The following TMEM132D variants were observed in gnomAD, a reference collection of about 807,000 sequenced individuals.
TMEM132D encodes mature OL transmembrane protein.
Under a neutral mutation model 62.3 loss-of-function variants are expected in TMEM132D, and 21 were observed. The ratio of observed to expected loss-of-function variants is 0.34; its 90% CI spans 0.24 to 0.49. TMEM132D has a LOEUF of 0.49. Ranked by LOEUF, TMEM132D falls within the 20% of genes least tolerant of loss-of-function variation. The pLI is 0.99. For missense variants in TMEM132D, 1,346 were observed against 1,402.8 expected, an observed-to-expected ratio of 0.96 and a Z score of 0.65; for synonymous variants, 621 against 575.6, an observed-to-expected ratio of 1.08 and a Z score of -1.13.
intron 1 of TMEM132D, among the ~76,000 whole-genome samples, chr12:129,778,637 C>T (rs910509274): frequency 8.5e-5 from 13 of 152,168 alleles, no homozygotes; most frequent in Non-Finnish European, 1.3e-4. Context: ...GATACTTTGA[C>T]GCTAAAAACA....
At chr12:129,846,703 C>T (rs900285424) in intron 1 of TMEM132D, among the ~76,000 whole-genome samples, 1 of 152,100 alleles carries the variant, frequency 6.6e-6, no homozygotes, top group African/African-American at 2.4e-5. Flanking sequence ...ATTCTCCTGA[C>T]CTGTATTCCA....
At chr12:129,792,680 C>A (rs1871434771) in intron 1 of TMEM132D, among the ~76,000 whole-genome samples, 1 of 152,272 alleles carries the variant, frequency 6.6e-6, no homozygotes, top group East Asian at 1.9e-4. Flanking sequence ...AAAAGTGGTT[C>A]TTTCCTTGAG....
chr12:129,074,813 C>T lies in TMEM132D; in HGVS notation c.2362G>A (p.Val788Ile), dbSNP rs1489615235. ...TTAACTTTGATGTTTGCCGTTCCAA[C>T]AGCTAACACACTCTTCCGCTTGGAT... is the stretch of plus-strand genomic sequence containing the variant. ...QKSKRKSVLA[V>I]GTANIKVKFG... The change falls in exon 9 of 9, where the codon GTT (valine) becomes ATT (isoleucine). Residue 788 changes from valine (V) to isoleucine (I), a missense_variant. By Grantham distance (29) the Val-to-Ile change is conservative. Transcript: ENST00000422113. The T allele has an allele frequency of 6.2e-7, 1 of 1,614,120 alleles. No individual in the cohort carries two copies. The highest frequency in any genetic ancestry group is 8.5e-7 in the Non-Finnish European group (1 of 1,180,040).
chr12:129,809,931 G>C (rs1231901406), intron 1 of TMEM132D, among the ~76,000 whole-genome samples: 2 of 152,076 alleles, frequency 1.3e-5, no homozygotes, highest in Admixed American at 6.6e-5. Flanking sequence ...ATGCACTCTG[G>C]AAAAGACATG....
intron 3 of TMEM132D, among the ~76,000 whole-genome samples, chr12:129,432,185 G>A (rs1390605214): frequency 6.6e-6 from 1 of 151,242 alleles, no homozygotes; most frequent in Non-Finnish European, 1.5e-5. Flanking sequence ...ATGGATGGAT[G>A]GATGGATGGA....
intron 4 of TMEM132D, among the ~76,000 whole-genome samples, chr12:129,218,870 G>A (rs1457926508): frequency 1.3e-5 from 2 of 152,164 alleles, no homozygotes; most frequent in Non-Finnish European, 2.9e-5. Flanking sequence ...AGTGACAGGG[G>A]AAGCCAACAC....
At chr12:129,125,225 A>T (rs1565972062) in intron 5 of TMEM132D, among the ~76,000 whole-genome samples, 1 of 152,192 alleles carries the variant, frequency 6.6e-6, no homozygotes. Flanking sequence ...CATCTATTAA[A>T]CACACTTCTG....
chr12:129,759,861 A>G (rs117937623), intron 1 of TMEM132D, among the ~76,000 whole-genome samples: 1 of 152,248 alleles, frequency 6.6e-6, no homozygotes, highest in East Asian at 1.9e-4. Context: ...CAGATTCTCA[A>G]GACATTTAAA....
intron 4 of TMEM132D, among the ~76,000 whole-genome samples, chr12:129,276,627 G>T (rs533825723): frequency 6.6e-6 from 1 of 152,282 alleles, no homozygotes; most frequent in East Asian, 1.9e-4. Context: ...GTGGCTTTTT[G>T]TGTCTCCTCT....
At chr12:129,659,825 T>G (rs975359873) in intron 2 of TMEM132D, among the ~76,000 whole-genome samples, 4 of 152,210 alleles carry the variant, frequency 2.6e-5, no homozygotes, top group Admixed American at 2.6e-4. Flanking sequence ...TTCTCTAAAT[T>G]TTCAGGGAAG....
intron 2 of TMEM132D, among the ~76,000 whole-genome samples, chr12:129,615,584 CAAA>C (rs544023097): frequency 1.4e-4 from 10 of 74,052 alleles, no homozygotes; most frequent in Admixed American, 6.2e-4. Flanking sequence ...GACCCCATCT[CAAA>C]AAAAAAAAAA....
intron 3 of TMEM132D, among the ~76,000 whole-genome samples, chr12:129,461,811 A>G (rs1233602870): frequency 6.6e-6 from 1 of 152,198 alleles, no homozygotes; most frequent in Non-Finnish European, 1.5e-5. Context: ...ATAGATAATC[A>G]GCAGGTACAT....
intron 5 of TMEM132D, among the ~76,000 whole-genome samples, chr12:129,170,477 T>G (rs117449365): frequency 0.013 from 2,009 of 152,318 alleles, 55 homozygotes; most frequent in East Asian, 0.11. Context: ...TGTAGTCTAC[T>G]AAGCATGAAA....
intron 3 of TMEM132D, among the ~76,000 whole-genome samples, chr12:129,477,159 G>A (rs1366442843): frequency 6.6e-6 from 1 of 152,160 alleles, no homozygotes; most frequent in Non-Finnish European, 1.5e-5. Context: ...TGAGATGCCA[G>A]CAGCAACCCC....
chr12:129,466,444 C>T (rs755555171), intron 3 of TMEM132D, among the ~76,000 whole-genome samples: 3 of 151,864 alleles, frequency 2.0e-5, no homozygotes, highest in Non-Finnish European at 2.9e-5. Context: ...CTAAGCCTCT[C>T]AAGTAGCTGG....
chr12:129,080,051 C>A (rs1274400617), intron 7 of TMEM132D, among the ~76,000 whole-genome samples: 1 of 152,164 alleles, frequency 6.6e-6, no homozygotes, highest in African/African-American at 2.4e-5. Flanking sequence ...ATCAGTTTAG[C>A]CTATAGATTT....
rs538624882 is a variant in TMEM132D at position 129,868,799 on chromosome 12, C to T, written c.79+34462G>A. 4.6e-5 allele frequency among the ~76,000 whole-genome samples: 7 copies of T among 152,248 alleles called. No homozygotes were observed. The East Asian group carries it at 1.4e-3, about 29-fold the overall frequency. On this transcript the variant is annotated intron_variant, in intron 1 of 8. Coordinates refer to ENST00000422113, the MANE Select transcript of TMEM132D (RefSeq NM_133448.3). ...GAACGCGGCCTCTCTTCCCACCCTG[C>T]CCCCAGGGTGTTTTGGCTACCATGC...
intron 4 of TMEM132D, among the ~76,000 whole-genome samples, chr12:129,253,458 T>G (rs59725815): frequency 0.011 from 1,606 of 152,258 alleles, 44 homozygotes; most frequent in African/African-American, 0.035. Flanking sequence ...AGACTGAGGT[T>G]AATTTCCAGC....
intron 3 of TMEM132D, among the ~76,000 whole-genome samples, chr12:129,487,026 G>A (rs1232537709): frequency 8.7e-6 from 1 of 114,930 alleles, no homozygotes; most frequent in African/African-American, 2.7e-5. Flanking sequence ...GCGAATGTTT[G>A]CGTATGGGGG....
Sources: allele counts gnomAD v4.1 joint callset (sites outside exome capture counted in the v4.1 genomes callset), GRCh38; gene constraint gnomAD v4.1.1; transcripts MANE v1.5; gene names NCBI Gene and HGNC (gene_info 2026-07-23, HGNC 2026-07-21).